MARK3: variants seen among roughly 807,000 people sequenced by gnomAD.
MARK3 encodes the protein MAP/microtubule affinity-regulating kinase 3.
In MARK3, 46 loss-of-function variants were observed where a neutral mutation model predicts 90.1. The observed-to-expected ratio is 0.51, with a 90% CI of 0.40 to 0.65. The LOEUF (loss-of-function observed/expected upper bound fraction) is 0.65. MARK3 is among the 30% of genes least tolerant of loss of function. The probability of loss-of-function intolerance (pLI) is 0.00; values close to 1 mark genes in which losing one functional copy is unlikely to be tolerated. For synonymous variants in MARK3, 321 were observed against 332.6 expected (o/e 0.97, Z 0.38); for missense variants, 818 against 947.2 (o/e 0.86, Z 1.79).
At chr14:103,492,564 A>G (rs1266131430) in intron 15 of MARK3, among the ~76,000 whole-genome samples, 1 of 152,228 alleles carries the variant, frequency 6.6e-6, no homozygotes, top group Non-Finnish European at 1.5e-5. Flanking sequence ...ATGTCCTTAA[A>G]TGGTATAGTT....
In MARK3 at chr14:103,486,954, G is replaced by C. The variant is rs1295266886; in HGVS notation, c.1587-4823G>C. ...TTTTAATTTGAAACAGTCTCTCTCT[G>C]TCACCCAGACTGGAGTTTAGTGGCA... On this transcript the variant is annotated intron_variant, in intron 14 of 17. Coordinates refer to ENST00000429436, the MANE Select transcript of MARK3 (RefSeq NM_001128918.3). Among the ~76,000 whole-genome samples, 3 of 151,686 alleles carry C rather than the reference G, an allele frequency of 2.0e-5. No homozygotes were observed. In the East Asian group the frequency reaches 5.8e-4, roughly 30 times the overall value.
intron 12 of MARK3, chr14:103,469,407 TGG>T (rs2093582521): frequency 2.0e-5 from 3 of 152,038 alleles, no homozygotes; most frequent in Admixed American, 6.6e-5. Flanking sequence ...GTCTTGAACT[TGG>T]GAGCTCAAGC....
chr14:103,494,860 C>T lies in MARK3; in HGVS notation c.1844+2826C>T, dbSNP rs201601294. On this transcript the variant is annotated intron_variant, in intron 15 of 17. Transcript: ENST00000429436. ...TCATGTTGGCCAGGCTGGTCTTGAA[C>T]TGCTGACCTCAAGTGATCCACCGCG... 2.0e-4 allele frequency among the ~76,000 whole-genome samples: 30 copies of T among 152,214 alleles called. No homozygotes were observed. The East Asian group carries it at 5.6e-3, about 28-fold the overall frequency.
At chr14:103,443,843 T>G (rs746430840) in intron 3 of MARK3, among the ~76,000 whole-genome samples, 3 of 152,186 alleles carry the variant, frequency 2.0e-5, no homozygotes, top group Non-Finnish European at 4.4e-5. Flanking sequence ...TGTCTTGGTT[T>G]GTCTGAGAGG....
At chr14:103,438,282 C>T (rs187325458) in intron 3 of MARK3, among the ~76,000 whole-genome samples, 83 of 152,302 alleles carry the variant, frequency 5.4e-4, no homozygotes, top group African/African-American at 1.8e-3. Flanking sequence ...GGATTACAGG[C>T]GTGAGCCACC....
At chr14:103,462,232 A>G (rs2093416229) in intron 6 of MARK3, among the ~76,000 whole-genome samples, 173 bp from the exon 7 acceptor site, 1 of 152,190 alleles carries the variant, frequency 6.6e-6, no homozygotes, top group African/African-American at 2.4e-5. Flanking sequence ...GCCCTCACCC[A>G]TGAATTTCTC....
At chr14:103,423,399 T>G (rs1166817596) in intron 2 of MARK3, among the ~76,000 whole-genome samples, 1 of 152,116 alleles carries the variant, frequency 6.6e-6, no homozygotes, top group Non-Finnish European at 1.5e-5. Context: ...TTTTGTAATA[T>G]TCCACTTTGC....
chr14:103,501,511 C>T (rs959803727), intron 17 of MARK3, among the ~76,000 whole-genome samples: 2 of 152,168 alleles, frequency 1.3e-5, no homozygotes, highest in African/African-American at 4.8e-5. Flanking sequence ...ACTTTCCTAC[C>T]TCCCCTTTGG....
Position 103,467,674 on chromosome 14 carries a change from CAAAAAAA to C in MARK3, c.1111-342_1111-336del, listed in dbSNP as rs10525116. On this transcript the variant is annotated intron_variant, in intron 11 of 17. Transcript: ENST00000429436. ...TGGGTGACAGAGCGAGACTCTGTCT[CAAAAAAA>C]AAAAAAAAAAAAAAAAGATGGATGT... 1.1e-3 allele frequency: 51 copies of C among 44,934 alleles called. 1 individual carries two copies. The highest frequency in any genetic ancestry group is 4.2e-3 in the African/African-American group (41 of 9,698). 2.8% of individuals were successfully genotyped at this position (44,934 alleles called of 1,614,324 possible). A position where few individuals can be genotyped will look rare whatever the true frequency, so the allele number is the denominator to read the frequency against.
chr14:103,387,773 A>G (rs572134164), intron 1 of MARK3, among the ~76,000 whole-genome samples: 2 of 152,148 alleles, frequency 1.3e-5, no homozygotes, highest in Non-Finnish European at 2.9e-5. Flanking sequence ...GATTACAGGC[A>G]TGAGCCAGTG....
chr14:103,445,075 ATT>A (rs34710838), intron 3 of MARK3, among the ~76,000 whole-genome samples: 1 of 147,690 alleles, frequency 6.8e-6, no homozygotes, highest in Non-Finnish European at 1.5e-5. Context: ...TAATTTGTTG[ATT>A]TTTTTTTTTA....
intron 3 of MARK3, among the ~76,000 whole-genome samples, chr14:103,438,491 G>A (rs2092771019): frequency 6.6e-6 from 1 of 152,114 alleles, no homozygotes. Context: ...CATATGGGAA[G>A]GATAACAAAG....
intron 14 of MARK3, chr14:103,490,467 T>C (rs2093997825): frequency 6.6e-6 from 1 of 152,192 alleles, no homozygotes; most frequent in Non-Finnish European, 1.5e-5. Context: ...GGAGGATCAC[T>C]TGAAGCCACA....
intron 1 of MARK3, among the ~76,000 whole-genome samples, chr14:103,393,977 G>A (rs1383230524): frequency 1.3e-5 from 2 of 151,954 alleles, no homozygotes; most frequent in South Asian, 2.1e-4. Flanking sequence ...TGGGTTATCC[G>A]CCTGCCTTGG....
intron 3 of MARK3, among the ~76,000 whole-genome samples, chr14:103,446,272 A>G (rs893679153): frequency 5.3e-5 from 8 of 152,192 alleles, no homozygotes; most frequent in African/African-American, 1.9e-4. Flanking sequence ...CACATCTGTA[A>G]TCCCAGCACT....
chr14:103,405,075 G>T lies in MARK3; in HGVS notation c.52-1G>T. On this transcript the variant is annotated splice_acceptor_variant, in intron 1 of 17. Transcript: ENST00000429436. LOFTEE classifies it high-confidence loss of function. The stretch of plus-strand genomic sequence containing the variant: ...TTATCTTTGTGTATGCTGTATTGCA[G>T]CACACGTCACATGGAGATGGGCGTC... 6.2e-7 allele frequency: 1 copy of T among 1,613,280 alleles called. No homozygotes were observed. Among genetic ancestry groups the T allele is most frequent in the Non-Finnish European group, 8.5e-7 (1 of 1,179,648 alleles).
intron 3 of MARK3, among the ~76,000 whole-genome samples, chr14:103,430,370 C>G (rs758421136): frequency 1.3e-5 from 2 of 150,516 alleles, no homozygotes; most frequent in African/African-American, 2.5e-5. Context: ...CCCCAGCCCC[C>G]CCATCTTCCC....
At chr14:103,454,397 C>T (rs2093228873) in intron 5 of MARK3, among the ~76,000 whole-genome samples, 3 of 152,056 alleles carry the variant, frequency 2.0e-5, no homozygotes, top group South Asian at 2.1e-4. Flanking sequence ...GGACTGCAGG[C>T]GCACACCACA....
chr14:103,461,044 C>G (rs1001732708), intron 6 of MARK3, among the ~76,000 whole-genome samples: 2 of 152,270 alleles, frequency 1.3e-5, no homozygotes, highest in South Asian at 4.1e-4. Flanking sequence ...TCACCTTGTC[C>G]TTGCTGCTTA....
Sources: gnomAD v4.1 joint callset for allele counts (sites outside exome capture counted in the v4.1 genomes callset) on GRCh38, gnomAD v4.1.1 for gene constraint, MANE v1.5 for transcripts, NCBI Gene and HGNC (gene_info 2026-07-23, HGNC 2026-07-21) for gene names.